The following OR4C15 variants were observed in gnomAD, a reference collection of about 807,000 sequenced individuals.
OR4C15 encodes the protein olfactory receptor 4C15.
For missense variants in OR4C15, 697 were observed against 377.5 expected (o/e 1.85, Z -7.01); for synonymous variants, 216 against 134.0 (o/e 1.61, Z -4.22).
At position 55,555,086 on chromosome 11, in the gene OR4C15, C is replaced by T. The variant is rs1857129368; in HGVS notation, c.618C>T (p.Cys206=). 2 of 1,613,828 alleles carry T rather than the reference C, an allele frequency of 1.2e-6. No individual in the cohort carries two copies. Among genetic ancestry groups the T allele is most frequent in the South Asian group, 2.2e-5 (2 of 91,076 alleles). The change falls in exon 1 of 1, where the codon TGC becomes TGT. Residue 206 remains cysteine, a synonymous_variant. Coordinates refer to ENST00000642128, the MANE Select transcript of OR4C15 (RefSeq NM_001001920.3). ...LMVVINSGFI[C]IINFSLLLVS... The stretch of plus-strand genomic sequence containing the variant: ...TGGTCATCAACAGTGGGTTTATCTG[C>T]ATCATAAACTTCTCCTTGTTGCTTG...
Position 55,554,774 on chromosome 11 carries a change from T to C in OR4C15, c.306T>C (p.Ala102=), listed in dbSNP as rs1185070510. The C allele has an allele frequency of 1.2e-6, 2 of 1,614,016 alleles. No individual in the cohort carries two copies. Among genetic ancestry groups the C allele is most frequent in the Admixed American group, 1.7e-5 (1 of 59,972 alleles). ...AAGGCTGCATGATGCAGCTCTTTGC[T>C]GAACACTTCTTTGCTGGGGTGGAGG... ...SFEGCMMQLF[A]EHFFAGVEVI... Residue 102 remains alanine (A), a synonymous_variant, in exon 1 of 1, where the codon GCT becomes GCC. Transcript: ENST00000642128.
rs754309529 is a variant in OR4C15, at chr11:55,554,478, C to T, written c.10C>T (p.Gln4Ter). 4.3e-6 allele frequency: 7 copies of T among 1,613,798 alleles called. No individual in the cohort carries two copies. In the Admixed American group the frequency reaches 8.3e-5, roughly 19 times the overall value. The change falls in exon 1 of 1, where the codon CAA (glutamine) becomes TAA (stop). Residue 4 changes from glutamine to a stop codon, truncating the protein, a stop_gained. Coordinates refer to ENST00000642128, the MANE Select transcript of OR4C15 (RefSeq NM_001001920.3). LOFTEE classifies it low-confidence loss of function (END_TRUNC). ...CTTTTCCTTGGGAAACATGCAAAAC[C>T]AAAGCTTTGTAACTGAGTTTGTCCT... The part of the protein sequence containing the change: MQN[Q>*]SFVTEFVLLG...
At position 55,555,134 on chromosome 11, in the gene OR4C15, C is replaced by T. The variant is rs752595934; in HGVS notation, c.666C>T (p.Leu222=). The change falls in exon 1 of 1, where the codon CTC becomes CTT. Residue 222 remains leucine (L), a synonymous_variant. Coordinates refer to ENST00000642128, the MANE Select transcript of OR4C15 (RefSeq NM_001001920.3). ...LLLVSYAVIL[L]SLRTHSSEGR... ...TTGTCTCCTATGCTGTCATCTTGCTCTCTCTGAGAACACACAGTTCTGAAG... is the reference window on the plus strand; with the variant it reads ...TTGTCTCCTATGCTGTCATCTTGCTTTCTCTGAGAACACACAGTTCTGAAG... 11 of 1,613,836 alleles carry T rather than the reference C, an allele frequency of 6.8e-6. No homozygotes were observed. The East Asian group carries it at 2.2e-4, about 33-fold the overall frequency.
At position 55,555,201 on chromosome 11, in the gene OR4C15, G is replaced by T; in HGVS notation, c.733G>T (p.Val245Phe). The T allele has an allele frequency of 3.7e-6, 6 of 1,613,876 alleles. No individual in the cohort carries two copies. The highest frequency in any genetic ancestry group is 5.1e-6 in the Non-Finnish European group (6 of 1,179,896). Residue 245 changes from valine (V) to phenylalanine (F), a missense_variant, in exon 1 of 1, where the codon GTT becomes TTT. Transcript: ENST00000642128. ...ALSTCGSHIA[V>F]VILFFVPCIF... ...CTCCACCTGTGGATCTCACATTGCT[G>T]TTGTGATTTTGTTCTTTGTCCCATG... is the stretch of plus-strand genomic sequence containing the variant.
At position 55,554,550 on chromosome 11, in the gene OR4C15, G is replaced by T. The variant is rs1364452843; in HGVS notation, c.82G>T (p.Val28Leu). The T allele has an allele frequency of 6.2e-7, 1 of 1,613,980 alleles. No individual in the cohort carries two copies. The highest frequency in any genetic ancestry group is 1.7e-5 in the Admixed American group (1 of 59,980). The stretch of plus-strand genomic sequence containing the variant: ...AAATGTTCAGGAAATAGTATTTGTT[G>T]TATTTTTGTTTGTCTACATTGCAAC... Reference protein sequence around the residue: ...NPNVQEIVFVVFLFVYIATVG... With the variant: ...NPNVQEIVFVLFLFVYIATVG... Residue 28 changes from valine to leucine, a missense_variant, in exon 1 of 1, where the codon GTA becomes TTA. Val to Leu is a conservative substitution (Grantham distance 32). Transcript: ENST00000642128.
chr11:55,555,294 A>G lies in OR4C15; in HGVS notation c.826A>G (p.Ile276Val). Residue 276 changes from isoleucine to valine, a missense_variant, in exon 1 of 1, where the codon ATC becomes GTC. Coordinates refer to ENST00000642128, the MANE Select transcript of OR4C15 (RefSeq NM_001001920.3). ...CAAAATGGCGGCAATATTTTATATC[A>G]TCTTAAATCCCTTGCTCAATCCTTT... is the stretch of plus-strand genomic sequence containing the variant. The part of the protein sequence containing the change: ...LDKMAAIFYI[I>V]LNPLLNPLIY... 2 of 1,613,916 alleles carry G rather than the reference A, an allele frequency of 1.2e-6. No individual in the cohort carries two copies. The highest frequency in any genetic ancestry group is 2.7e-5 in the African/African-American group (2 of 74,992).
Position 55,555,229 on chromosome 11 carries a change from T to A in OR4C15, c.761T>A (p.Ile254Lys). 6.2e-7 allele frequency: 1 copy of A among 1,613,946 alleles called. No individual in the cohort carries two copies. ...GTGATTTTGTTCTTTGTCCCATGCA[T>A]ATTTGTATATACACGACCTCCATCT... is the stretch of plus-strand genomic sequence containing the variant. ...AVVILFFVPC[I>K]FVYTRPPSAF... is the part of the protein sequence containing the mutation. The change falls in exon 1 of 1, where the codon ATA becomes AAA. Residue 254 changes from isoleucine to lysine, a missense_variant. Ile to Lys is a moderately radical substitution (Grantham distance 102, BLOSUM62 -3). Coordinates refer to ENST00000642128, the MANE Select transcript of OR4C15 (RefSeq NM_001001920.3).
rs755058356 is a variant in OR4C15, at chr11:55,554,850, C to A, written c.382C>A (p.Pro128Thr). 2 of 1,613,896 alleles carry A rather than the reference C, an allele frequency of 1.2e-6. No homozygotes were observed. Among genetic ancestry groups the A allele is most frequent in the South Asian group, 1.1e-5 (1 of 91,072 alleles). The change falls in exon 1 of 1, where the codon CCC (proline) becomes ACC (threonine). Residue 128 changes from proline (P) to threonine (T), a missense_variant. By Grantham distance (38) the Pro-to-Thr change is conservative. Transcript: ENST00000642128. ...TGATCGTTATGTGGCCATTTGCAAG[C>A]CCTTGCATTACTCTTCTATCATGAA... is the stretch of plus-strand genomic sequence containing the variant. ...AYDRYVAICK[P>T]LHYSSIMNRR...
Position 55,554,728 on chromosome 11 carries a change from T to C in OR4C15, c.260T>C (p.Val87Ala). 6.2e-7 allele frequency: 1 copy of C among 1,613,890 alleles called. No homozygotes were observed. The highest frequency in any genetic ancestry group is 8.5e-7 in the Non-Finnish European group (1 of 1,179,924). Residue 87 changes from valine (V) to alanine (A), a missense_variant, in exon 1 of 1, where the codon GTG (valine) becomes GCG (alanine). Physicochemically the swap from Val to Ala is moderately conservative, Grantham distance 64 (BLOSUM62 0). Coordinates refer to ENST00000642128, the MANE Select transcript of OR4C15 (RefSeq NM_001001920.3). ...TPKMIVDSLY[V>A]TKTISFEGCM... ...AAGATGATTGTAGACTCCCTCTATG[T>C]GACAAAAACCATCTCTTTTGAAGGC...
chr11:55,555,189 T>C lies in OR4C15; in HGVS notation c.721T>C (p.Ser241Pro), dbSNP rs553077311. Reference protein sequence around the residue: ...GRWKALSTCGSHIAVVILFFV... With the variant: ...GRWKALSTCGPHIAVVILFFV... ...CTGGAAAGCTCTCTCCACCTGTGGA[T>C]CTCACATTGCTGTTGTGATTTTGTT... Residue 241 changes from serine to proline, a missense_variant, in exon 1 of 1, where the codon TCT (serine) becomes CCT (proline). Physicochemically the swap from Ser to Pro is moderately conservative, Grantham distance 74. Transcript: ENST00000642128. The C allele has an allele frequency of 3.1e-6, 5 of 1,613,898 alleles. No homozygotes were observed. The South Asian group carries it at 5.5e-5, about 18-fold the overall frequency.
rs750912052 is a variant in OR4C15, at chr11:55,554,802, A to G, written c.334A>G (p.Ile112Val). 1.2e-6 allele frequency: 2 copies of G among 1,613,880 alleles called. No homozygotes were observed. Among genetic ancestry groups the G allele is most frequent in the East Asian group, 4.5e-5 (2 of 44,836 alleles). Residue 112 changes from isoleucine to valine, a missense_variant, in exon 1 of 1, where the codon ATT becomes GTT. Ile to Val is a conservative substitution (Grantham distance 29, BLOSUM62 3). Coordinates refer to ENST00000642128, the MANE Select transcript of OR4C15 (RefSeq NM_001001920.3). ...AEHFFAGVEVIVLTAMAYDRY... is the reference protein window; with the variant it reads ...AEHFFAGVEVVVLTAMAYDRY... ...ACACTTCTTTGCTGGGGTGGAGGTG[A>G]TTGTCCTCACAGCCATGGCCTATGA...
rs770499530 is a variant in OR4C15, at chr11:55,555,315, C to T, written c.847C>T (p.Pro283Ser). 1 of 1,613,706 alleles carries T rather than the reference C, an allele frequency of 6.2e-7. No homozygotes were observed. The highest frequency in any genetic ancestry group is 8.5e-7 in the Non-Finnish European group (1 of 1,179,858). ...FYIILNPLLN[P>S]LIYTFRNKEV... ...TATCATCTTAAATCCCTTGCTCAATCCTTTGATTTACACTTTCAGGAATAA... is the reference window on the plus strand; with the variant it reads ...TATCATCTTAAATCCCTTGCTCAATTCTTTGATTTACACTTTCAGGAATAA... The change falls in exon 1 of 1, where the codon CCT (proline) becomes TCT (serine). Residue 283 changes from proline (P) to serine (S), a missense_variant. Pro to Ser is a moderately conservative substitution (Grantham distance 74, BLOSUM62 -1). Transcript: ENST00000642128.
At position 55,555,018 on chromosome 11, in the gene OR4C15, C is replaced by G. The variant is rs747684027; in HGVS notation, c.550C>G (p.Leu184Val). The G allele has an allele frequency of 6.2e-7, 1 of 1,613,778 alleles. No individual in the cohort carries two copies. Among genetic ancestry groups the G allele is most frequent in the Non-Finnish European group, 8.5e-7 (1 of 1,179,884 alleles). ...NHFMCDLYPL[L>V]ELACTDTHIF... The stretch of plus-strand genomic sequence containing the variant: ...CTTTATGTGTGACTTGTACCCGTTA[C>G]TGGAGCTTGCCTGCACTGATACTCA... Residue 184 changes from leucine to valine, a missense_variant, in exon 1 of 1, where the codon CTG (leucine) becomes GTG (valine). Leu to Val is a conservative substitution (Grantham distance 32). Transcript: ENST00000642128.
chr11:55,554,853 T>G lies in OR4C15; in HGVS notation c.385T>G (p.Leu129Val), dbSNP rs752939955. ...YDRYVAICKP[L>V]HYSSIMNRRL... ...TCGTTATGTGGCCATTTGCAAGCCC[T>G]TGCATTACTCTTCTATCATGAACAG... The change falls in exon 1 of 1, where the codon TTG (leucine) becomes GTG (valine). Residue 129 changes from leucine (L) to valine (V), a missense_variant. Physicochemically the swap from Leu to Val is conservative, Grantham distance 32. Transcript: ENST00000642128. 6.2e-6 allele frequency: 10 copies of G among 1,613,848 alleles called. No homozygotes were observed. In the South Asian group the frequency reaches 1.1e-4, roughly 18 times the overall value.
Position 55,555,008 on chromosome 11 carries a change from G to A in OR4C15, c.540G>A (p.Leu180=). The A allele has an allele frequency of 6.2e-7, 1 of 1,613,758 alleles. No individual in the cohort carries two copies. Among genetic ancestry groups the A allele is most frequent in the Non-Finnish European group, 8.5e-7 (1 of 1,179,896 alleles). Residue 180 remains leucine (L), a synonymous_variant, in exon 1 of 1, where the codon TTG becomes TTA. Transcript: ENST00000642128. ...PNVINHFMCD[L]YPLLELACTD... is the part of the protein sequence containing the mutation. The stretch of plus-strand genomic sequence containing the variant: ...TCATCAATCACTTTATGTGTGACTT[G>A]TACCCGTTACTGGAGCTTGCCTGCA...
Position 55,554,759 on chromosome 11 carries a change from G to T in OR4C15, c.291G>T (p.Met97Ile), listed in dbSNP as rs763726329. The stretch of plus-strand genomic sequence containing the variant: ...AAACCATCTCTTTTGAAGGCTGCAT[G>T]ATGCAGCTCTTTGCTGAACACTTCT... ...VTKTISFEGC[M>I]MQLFAEHFFA... The change falls in exon 1 of 1, where the codon ATG (methionine) becomes ATT (isoleucine). Residue 97 changes from methionine (M) to isoleucine (I), a missense_variant. Transcript: ENST00000642128. The T allele has an allele frequency of 6.2e-7, 1 of 1,613,802 alleles. No individual in the cohort carries two copies.
chr11:55,554,806 T>C lies in OR4C15; in HGVS notation c.338T>C (p.Val113Ala). ...EHFFAGVEVI[V>A]LTAMAYDRYV... ...TTCTTTGCTGGGGTGGAGGTGATTG[T>C]CCTCACAGCCATGGCCTATGATCGT... The change falls in exon 1 of 1, where the codon GTC (valine) becomes GCC (alanine). Residue 113 changes from valine (V) to alanine (A), a missense_variant. Physicochemically the swap from Val to Ala is moderately conservative, Grantham distance 64. Transcript: ENST00000642128. 1 of 1,614,016 alleles carries C rather than the reference T, an allele frequency of 6.2e-7. No homozygotes were observed. The highest frequency in any genetic ancestry group is 2.2e-5 in the East Asian group (1 of 44,852).
rs775878464 is a variant in OR4C15 at position 55,555,029 on chromosome 11, C to G, written c.561C>G (p.Ala187=). The change falls in exon 1 of 1, where the codon GCC becomes GCG. Residue 187 remains alanine (A), a synonymous_variant. Transcript: ENST00000642128. ...MCDLYPLLEL[A]CTDTHIFGLM... is the part of the protein sequence containing the mutation. ...ACTTGTACCCGTTACTGGAGCTTGC[C>G]TGCACTGATACTCACATCTTTGGCC... 6.2e-7 allele frequency: 1 copy of G among 1,613,836 alleles called. No individual in the cohort carries two copies. Among genetic ancestry groups the G allele is most frequent in the South Asian group, 1.1e-5 (1 of 91,070 alleles).
rs201112478 is a variant in OR4C15 at position 55,554,927 on chromosome 11, G to T, written c.459G>T (p.Leu153Phe). Residue 153 changes from leucine (L) to phenylalanine (F), a missense_variant, in exon 1 of 1, where the codon TTG (leucine) becomes TTT (phenylalanine). Transcript: ENST00000642128. Reference sequence around the variant, plus strand: ...GGGTAGCCTGGACAGGGGGCCTCTTGCATTCCATGATACAAATTCTTTTTA... The same window carrying T: ...GGGTAGCCTGGACAGGGGGCCTCTTTCATTCCATGATACAAATTCTTTTTA... ...LMGVAWTGGL[L>F]HSMIQILFTF... The T allele has an allele frequency of 3.1e-5, 50 of 1,613,820 alleles. No individual in the cohort carries two copies. Among genetic ancestry groups the T allele is most frequent in the Non-Finnish European group, 4.2e-5 (49 of 1,179,934 alleles).
Sources: allele counts gnomAD v4.1 joint callset, GRCh38; gene constraint gnomAD v4.1.1; transcripts MANE v1.5; gene names NCBI Gene and HGNC (gene_info 2026-07-23, HGNC 2026-07-21).